The following RCBTB1 variants were observed in gnomAD, a reference collection of about 807,000 sequenced individuals.
The protein encoded by RCBTB1 is RCC1 and BTB domain containing protein 1, also known as RCC1 and BTB domain-containing protein 1.
RCBTB1 carries 46 observed loss-of-function variants against 62.4 expected under a neutral mutation model. The observed-to-expected ratio is 0.74, with a 90% CI of 0.58 to 0.94. The LOEUF (loss-of-function observed/expected upper bound fraction) is 0.94. Among genes scored for constraint, RCBTB1 ranks in the 40% least tolerant of loss-of-function variants. The probability of loss-of-function intolerance (pLI) is 0.00; values close to 1 mark genes in which losing one functional copy is unlikely to be tolerated. For missense variants in RCBTB1, 565 were observed against 654.9 expected (o/e 0.86, Z 1.50); for synonymous variants, 222 against 245.8 (o/e 0.90, Z 0.91).
intron 12 of RCBTB1, among the ~76,000 whole-genome samples, chr13:49,536,423 C>T (rs1297064875): frequency 2.0e-5 from 3 of 152,212 alleles, no homozygotes; most frequent in Non-Finnish European, 2.9e-5. Context: ...GTTAGACAAA[C>T]GCCCTTCCGA....
At chr13:49,565,424 G>A (rs1962861101) in intron 4 of RCBTB1, among the ~76,000 whole-genome samples, 1 of 152,008 alleles carries the variant, frequency 6.6e-6, no homozygotes, top group South Asian at 2.1e-4. Flanking sequence ...TGCAGCCTCT[G>A]CCCGGCCGCC....
intron 12 of RCBTB1, among the ~76,000 whole-genome samples, chr13:49,535,894 G>A (rs1307690438): frequency 6.6e-6 from 1 of 152,002 alleles, no homozygotes; most frequent in Non-Finnish European, 1.5e-5. Context: ...GTGGTGGCAA[G>A]CACCTGTAAT....
intron 2 of RCBTB1, among the ~76,000 whole-genome samples, chr13:49,573,149 ATGTACC>A (rs924230962): frequency 1.8e-4 from 27 of 152,152 alleles, no homozygotes; most frequent in Non-Finnish European, 3.5e-4. Context: ...ACAAAAATAA[ATGTACC>A]CTGTAAGACT....
chr13:49,571,294 C>T (rs1399241245), intron 2 of RCBTB1, among the ~76,000 whole-genome samples: 5 of 151,966 alleles, frequency 3.3e-5, no homozygotes, highest in African/African-American at 9.7e-5. Context: ...TGCAGTGAAC[C>T]GAGATTGCAC....
chr13:49,560,395 T>C (rs891625215), intron 4 of RCBTB1, among the ~76,000 whole-genome samples: 1 of 152,234 alleles, frequency 6.6e-6, no homozygotes, highest in Admixed American at 6.5e-5. Flanking sequence ...ATAGTTTCTG[T>C]GTCAGATGCC....
intron 12 of RCBTB1, 78 bp downstream of exon 12, chr13:49,540,798 T>G (rs1960285056): frequency 6.7e-7 from 1 of 1,486,608 alleles, no homozygotes; most frequent in African/African-American, 1.4e-5. Context: ...TCGTTTTCCA[T>G]GCCTCACGCA....
intron 10 of RCBTB1, among the ~76,000 whole-genome samples, chr13:49,544,241 G>C (rs926369459): frequency 6.6e-6 from 1 of 152,086 alleles, no homozygotes. Context: ...AGGCTGAGGC[G>C]GGCAGATCAC....
At position 49,533,176 on chromosome 13, in the gene RCBTB1, A is replaced by T. The variant is rs1286826839; in HGVS notation, c.*946T>A. The T allele has an allele frequency of 6.6e-6, 1 of 152,204 alleles. No homozygotes were observed. The highest frequency in any genetic ancestry group is 1.5e-5 in the Non-Finnish European group (1 of 68,032). 9.4% of individuals were successfully genotyped at this position (152,204 alleles called of 1,614,324 possible). The stretch of plus-strand genomic sequence containing the variant: ...TCTTGTAAGAGGGTTGACTTGAAGA[A>T]CCACTTCTTCCAGTCATATATAGTA... On this transcript the variant is annotated 3_prime_UTR_variant, in exon 13 of 13. Transcript: ENST00000378302.
intron 9 of RCBTB1, among the ~76,000 whole-genome samples, chr13:49,548,828 T>C (rs1423034774): frequency 6.7e-6 from 1 of 149,900 alleles, no homozygotes. Context: ...AATTAACGTA[T>C]AAGGGCTTTC....
chr13:49,566,233 C>T (rs1175100690), intron 4 of RCBTB1, among the ~76,000 whole-genome samples: 28 of 149,870 alleles, frequency 1.9e-4, no homozygotes, highest in African/African-American at 6.4e-4. Context: ...TCCCCCTATG[C>T]GAGAAACACC....
chr13:49,564,872 CAG>C (rs1296068688), intron 4 of RCBTB1, among the ~76,000 whole-genome samples: 2 of 149,542 alleles, frequency 1.3e-5, no homozygotes, highest in African/African-American at 5.0e-5. Context: ...GCCTGGGCGA[CAG>C]AGAGAGACTC....
intron 9 of RCBTB1, among the ~76,000 whole-genome samples, chr13:49,549,092 A>G (rs1961088038): frequency 7.2e-6 from 1 of 138,076 alleles, no homozygotes; most frequent in Non-Finnish European, 1.5e-5. Flanking sequence ...AGATTGCACC[A>G]CTGCACTCCA....
At position 49,571,779 on chromosome 13, in the gene RCBTB1, C is replaced by G. The variant is rs561192156; in HGVS notation, c.-41-4459G>C. On this transcript the variant is annotated intron_variant, in intron 2 of 12. Transcript: ENST00000378302. Reference sequence around the variant, plus strand: ...AACTTTCTAATTTACTCAAAATTACCACCATCCTCATTATAATTTGACTAT... The same window carrying G: ...AACTTTCTAATTTACTCAAAATTACGACCATCCTCATTATAATTTGACTAT... Among the ~76,000 whole-genome samples the G allele has an allele frequency of 1.8e-4, 27 of 152,264 alleles. No individual in the cohort carries two copies. In the East Asian group the frequency reaches 3.7e-3, roughly 21 times the overall value.
intron 2 of RCBTB1, among the ~76,000 whole-genome samples, chr13:49,567,910 G>A (rs1963135398): frequency 6.6e-6 from 1 of 152,206 alleles, no homozygotes; most frequent in South Asian, 2.1e-4. Context: ...TGCAGGTGGA[G>A]GGGGAGGTAT....
chr13:49,549,695 C>G, intron 8 of RCBTB1, 47 bp from the exon 9 acceptor site: 1 of 1,562,222 alleles, frequency 6.4e-7, no homozygotes, highest in Non-Finnish European at 8.7e-7. Context: ...ATCACAGAAG[C>G]CCACAGCACA....
intron 6 of RCBTB1, 68 bp downstream of exon 6, chr13:49,555,447 C>T: frequency 7.7e-7 from 1 of 1,306,730 alleles, no homozygotes; most frequent in Non-Finnish European, 1.1e-6. Flanking sequence ...ATACATTCAC[C>T]TTGTGAAGAA....
chr13:49,561,340 C>T (rs748774773), intron 4 of RCBTB1, among the ~76,000 whole-genome samples: 1 of 152,176 alleles, frequency 6.6e-6, no homozygotes, highest in Non-Finnish European at 1.5e-5. Flanking sequence ...ACTCAGAGTC[C>T]TCTTCCAGGT....
At chr13:49,552,331 T>G in intron 6 of RCBTB1, 46 bp from the exon 7 acceptor site, 5 of 1,314,948 alleles carry the variant, frequency 3.8e-6, no homozygotes, top group Non-Finnish European at 3.2e-6. Flanking sequence ...AAACTGCTGG[T>G]AAGAAGGAAG....
chr13:49,546,830 C>T, intron 9 of RCBTB1: 1 of 385,820 alleles, frequency 2.6e-6, no homozygotes, highest in Non-Finnish European at 3.5e-6. Context: ...CGCTCACTGC[C>T]ACTCACCTCC....
Sources: allele counts gnomAD v4.1 joint callset (sites outside exome capture counted in the v4.1 genomes callset), GRCh38; gene constraint gnomAD v4.1.1; transcripts MANE v1.5; gene names NCBI Gene and HGNC (gene_info 2026-07-23, HGNC 2026-07-21).